NRXN3: variants seen among roughly 807,000 people sequenced by gnomAD.
NRXN3 encodes the protein neurexin III.
In NRXN3, 32 loss-of-function variants were observed where a neutral mutation model predicts 137.6. That is an observed-to-expected ratio of 0.23 (90% CI 0.18 to 0.31). The LOEUF (loss-of-function observed/expected upper bound fraction) is 0.31. Ranked by LOEUF, NRXN3 falls within the 10% of genes least tolerant of loss-of-function variation. The probability of loss-of-function intolerance (pLI) is 1.00; values close to 1 mark genes in which losing one functional copy is unlikely to be tolerated. For synonymous variants in NRXN3, 798 were observed against 784.5 expected, an observed-to-expected ratio of 1.02 and a Z score of -0.29; for missense variants, 1,574 against 2,062.5, an observed-to-expected ratio of 0.76 and a Z score of 4.59.
At chr14:79,210,277 A>G (rs995418647) in intron 15 of NRXN3, among the ~76,000 whole-genome samples, 2 of 152,204 alleles carry the variant, frequency 1.3e-5, no homozygotes, top group African/African-American at 4.8e-5. Flanking sequence ...GATTTACAAT[A>G]CACACTTTAA....
intron 15 of NRXN3, among the ~76,000 whole-genome samples, chr14:79,387,060 A>C (rs2094648158): frequency 6.6e-6 from 1 of 152,250 alleles, no homozygotes; most frequent in African/African-American, 2.4e-5. Context: ...TTCATGTCTA[A>C]AACACCAAAA....
intron 16 of NRXN3, among the ~76,000 whole-genome samples, chr14:79,630,569 T>G (rs1036354069): frequency 3.3e-5 from 5 of 152,166 alleles, no homozygotes; most frequent in African/African-American, 1.2e-4. Flanking sequence ...ACACAACATA[T>G]GTGTTGCAGT....
intron 15 of NRXN3, among the ~76,000 whole-genome samples, chr14:79,332,274 T>C (rs1175893988): frequency 6.6e-6 from 1 of 152,214 alleles, no homozygotes; most frequent in East Asian, 1.9e-4. Flanking sequence ...GAAAGGCTTC[T>C]AACTGGTTTG....
chr14:78,583,905 C>A (rs564607409), intron 4 of NRXN3, among the ~76,000 whole-genome samples: 1 of 152,268 alleles, frequency 6.6e-6, no homozygotes, highest in South Asian at 2.1e-4. Flanking sequence ...CTGTCTGCCA[C>A]AAATAACACA....
At chr14:79,118,788 C>A (rs1329496414) in intron 15 of NRXN3, among the ~76,000 whole-genome samples, 1 of 152,060 alleles carries the variant, frequency 6.6e-6, no homozygotes, top group Non-Finnish European at 1.5e-5. Flanking sequence ...AATTAACACC[C>A]CTATGTACCC....
At chr14:79,070,786 T>G (rs1394757312) in intron 15 of NRXN3, among the ~76,000 whole-genome samples, 1 of 152,182 alleles carries the variant, frequency 6.6e-6, no homozygotes, top group Non-Finnish European at 1.5e-5. Flanking sequence ...CTACCACACA[T>G]ACATTTATGG....
Position 79,862,131 on chromosome 14 carries a change from C to G in NRXN3, c.*167C>G, listed in dbSNP as rs188686243. On this transcript the variant is annotated 3_prime_UTR_variant, in exon 21 of 21. Coordinates refer to ENST00000335750, the MANE Select transcript of NRXN3 (RefSeq NM_001330195.2). ...CCGTTTTTTAAAGGACACACACACA[C>G]ACAGCGATGCATCTCTCTCTAAAGC... 5.1e-3 allele frequency: 3,114 copies of G among 611,864 alleles called. 18 individuals carry two copies. Among genetic ancestry groups the G allele is most frequent in the Non-Finnish European group, 6.9e-3 (2,390 of 348,488 alleles). The allele number at this position is 611,864 out of a possible 1,614,324, so 37.9% of individuals were successfully genotyped here. A position where few individuals can be genotyped will look rare whatever the true frequency, so the allele number is the denominator to read the frequency against.
At chr14:78,760,284 C>T (rs60595125) in intron 8 of NRXN3, among the ~76,000 whole-genome samples, 6,733 of 150,416 alleles carry the variant, frequency 0.045, 478 homozygotes, top group African/African-American at 0.16. Flanking sequence ...TCAGGTGATC[C>T]GCCCGCCTCG....
intron 1 of NRXN3, among the ~76,000 whole-genome samples, chr14:78,240,667 T>C (rs540987730): frequency 6.6e-6 from 1 of 152,294 alleles, no homozygotes; most frequent in Non-Finnish European, 1.5e-5. Flanking sequence ...CTTATCGGAG[T>C]CTATGGAAGT....
chr14:79,857,904 G>A (rs996348327), intron 20 of NRXN3, among the ~76,000 whole-genome samples: 2 of 152,010 alleles, frequency 1.3e-5, no homozygotes, highest in African/African-American at 4.8e-5. Flanking sequence ...CCAACAGAGG[G>A]TATCATTTAT....
rs577907468 is a variant in NRXN3, at chr14:79,390,137, G to A, written c.3263-77084G>A. On this transcript the variant is annotated intron_variant, in intron 15 of 20. Transcript: ENST00000335750. The stretch of plus-strand genomic sequence containing the variant: ...TCCAGACCATCCTGGCTAACACAGT[G>A]AAACCCCGTCTCTACTAAGAATACA... Among the ~76,000 whole-genome samples, 3 of 152,070 alleles carry A rather than the reference G, an allele frequency of 2.0e-5. No homozygotes were observed. The East Asian group carries it at 5.8e-4, about 30-fold the overall frequency.
intron 15 of NRXN3, among the ~76,000 whole-genome samples, chr14:79,148,786 C>T (rs918736855): frequency 5.3e-5 from 8 of 152,104 alleles, no homozygotes; most frequent in Admixed American, 5.2e-4. Flanking sequence ...CACATATAAC[C>T]CCTGGACTGC....
chr14:79,063,529 CTGCCT>C (rs1410284439), intron 15 of NRXN3, among the ~76,000 whole-genome samples: 1 of 152,140 alleles, frequency 6.6e-6, no homozygotes, highest in Non-Finnish European at 1.5e-5. Context: ...GGTGATGTAC[CTGCCT>C]TGGCCTCCCA....
At position 79,083,638 on chromosome 14, in the gene NRXN3, G is replaced by A. The variant is rs573091029; in HGVS notation, c.3262+95497G>A. On this transcript the variant is annotated intron_variant, in intron 15 of 20. Coordinates refer to ENST00000335750, the MANE Select transcript of NRXN3 (RefSeq NM_001330195.2). The stretch of plus-strand genomic sequence containing the variant: ...TGTTATCGTTGTCATGTTTTCCTAT[G>A]TAAAAAATAGGATAATGTGACTTTT... Among the ~76,000 whole-genome samples, 8 of 152,238 alleles carry A rather than the reference G, an allele frequency of 5.3e-5. No individual in the cohort carries two copies. The East Asian group carries it at 9.7e-4, about 18-fold the overall frequency.
intron 20 of NRXN3, among the ~76,000 whole-genome samples, chr14:79,848,268 C>T (rs2099384460): frequency 6.6e-6 from 1 of 152,154 alleles, no homozygotes; most frequent in African/African-American, 2.4e-5. Flanking sequence ...CAACTGCTCC[C>T]CTGTTCTTAG....
chr14:79,253,987 G>C (rs1768627776), intron 15 of NRXN3, among the ~76,000 whole-genome samples: 1 of 152,148 alleles, frequency 6.6e-6, no homozygotes, highest in South Asian at 2.1e-4. Context: ...GCTCTTATTT[G>C]ATCAGCATGA....
intron 11 of NRXN3, among the ~76,000 whole-genome samples, chr14:78,965,495 G>A (rs545959469): frequency 6.6e-6 from 1 of 152,238 alleles, no homozygotes; most frequent in South Asian, 2.1e-4. Context: ...GTCAAGAGGG[G>A]TGGGTAGCTT....
intron 20 of NRXN3, among the ~76,000 whole-genome samples, chr14:79,812,916 TA>T (rs1338293322): frequency 6.6e-6 from 1 of 152,184 alleles, no homozygotes; most frequent in African/African-American, 2.4e-5. Context: ...GATTGGGTTT[TA>T]AAAGAGAAGT....
At chr14:79,795,836 T>C (rs918168126) in intron 19 of NRXN3, among the ~76,000 whole-genome samples, 1 of 152,174 alleles carries the variant, frequency 6.6e-6, no homozygotes, top group Admixed American at 6.5e-5. Context: ...ACATACTAAG[T>C]TTTGGGATGT....
Sources: gnomAD v4.1 joint callset for allele counts (sites outside exome capture counted in the v4.1 genomes callset) on GRCh38, gnomAD v4.1.1 for gene constraint, MANE v1.5 for transcripts, NCBI Gene and HGNC (gene_info 2026-07-23, HGNC 2026-07-21) for gene names.